EMC8: variants seen among roughly 807,000 people sequenced by gnomAD.
The protein encoded by EMC8 is ER membrane protein complex subunit 8.
EMC8 carries 11 observed loss-of-function variants against 24.3 expected under a neutral mutation model. That is an observed-to-expected ratio of 0.45 (90% CI 0.28 to 0.75). The LOEUF is 0.75. Among genes scored for constraint, EMC8 ranks in the 30% least tolerant of loss-of-function variants. EMC8 has a pLI of 0.12. For synonymous variants in EMC8, 145 were observed against 117.7 expected (o/e 1.23, Z -1.50); for missense variants, 277 against 282.7 (o/e 0.98, Z 0.14).
intron 4 of EMC8, 196 bp from the exon 5 acceptor site, chr16:85,780,063 C>T: frequency 1.6e-6 from 1 of 607,300 alleles, no homozygotes; most frequent in South Asian, 2.0e-5. Context: ...GAAGGGACGC[C>T]TTTCACGTGG....
intron 2 of EMC8, among the ~76,000 whole-genome samples, chr16:85,783,175 C>T (rs1434436509): frequency 6.6e-6 from 1 of 152,156 alleles, no homozygotes; most frequent in Non-Finnish European, 1.5e-5. Context: ...TGGTGATGCA[C>T]ATCTGTAGAC....
chr16:85,796,002 G>A (rs899610128), intron 1 of EMC8, among the ~76,000 whole-genome samples: 1 of 152,084 alleles, frequency 6.6e-6, no homozygotes, highest in Non-Finnish European at 1.5e-5. Context: ...TGAGAGCAGA[G>A]GACACACGCG....
chr16:85,795,915 G>A (rs1464002044), intron 1 of EMC8, among the ~76,000 whole-genome samples: 1 of 152,140 alleles, frequency 6.6e-6, no homozygotes, highest in Non-Finnish European at 1.5e-5. Context: ...CACCTAGCTG[G>A]TGGCCGCTGC....
chr16:85,792,841 T>C (rs1013310313), intron 1 of EMC8: 2 of 152,248 alleles, frequency 1.3e-5, no homozygotes, highest in African/African-American at 4.8e-5. Flanking sequence ...AATGAATCCA[T>C]TTCCATGTCC....
At chr16:85,788,931 C>T (rs775595049) in intron 2 of EMC8, 43 bp downstream of exon 2, 77 of 1,415,042 alleles carry the variant, frequency 5.4e-5, no homozygotes, top group Non-Finnish European at 7.0e-5. Context: ...CTGCCCAACA[C>T]GTGCTCACTT....
At position 85,799,506 on chromosome 16, in the gene EMC8, G is replaced by C. The variant is rs548463575; in HGVS notation, c.-211C>G. The C allele has an allele frequency of 7.7e-6, 3 of 388,532 alleles. No individual in the cohort carries two copies. The highest frequency in any genetic ancestry group is 9.2e-5 in the Admixed American group (2 of 21,842). The allele number at this position is 388,532 out of a possible 1,614,324, so 24.1% of individuals were successfully genotyped here. On this transcript the variant is annotated 5_prime_UTR_variant, in exon 1 of 5. Coordinates refer to ENST00000253457, the MANE Select transcript of EMC8 (RefSeq NM_006067.5). This position sits in a 1 kb window ranked among gnomAD's most constrained non-coding sequence, Gnocchi z 4.2. ...GCGCCTCTGGGAAGCCGCAGCCCCAGACTCCAGTCGCGCTTCTCGCCCGGC... is the reference window on the plus strand; with the variant it reads ...GCGCCTCTGGGAAGCCGCAGCCCCACACTCCAGTCGCGCTTCTCGCCCGGC...
At chr16:85,781,868 T>C (rs961893268) in intron 2 of EMC8, 10 of 152,972 alleles carry the variant, frequency 6.5e-5, no homozygotes, top group African/African-American at 2.2e-4. Context: ...ACCACCTTTG[T>C]GATCTTGGTA....
chr16:85,784,795 G>C (rs1275447427), intron 2 of EMC8: 1 of 152,134 alleles, frequency 6.6e-6, no homozygotes, highest in Non-Finnish European at 1.5e-5. Context: ...CAAAAGGCAG[G>C]GCCGCTTGCC....
chr16:85,786,229 T>C (rs1406673638), intron 2 of EMC8, among the ~76,000 whole-genome samples: 1 of 152,220 alleles, frequency 6.6e-6, no homozygotes, highest in Non-Finnish European at 1.5e-5. Flanking sequence ...TCACCTAGAA[T>C]TTGAATCCAG....
intron 2 of EMC8, among the ~76,000 whole-genome samples, chr16:85,785,825 C>T (rs570317462): frequency 6.6e-6 from 1 of 152,120 alleles, no homozygotes; most frequent in African/African-American, 2.4e-5. Flanking sequence ...AGCACCATGT[C>T]GGGCCAGCGT....
At chr16:85,794,122 G>T (rs574524935) in intron 1 of EMC8, among the ~76,000 whole-genome samples, 3 of 152,336 alleles carry the variant, frequency 2.0e-5, no homozygotes, top group African/African-American at 7.2e-5. Context: ...CATGGATTTA[G>T]ATGCTTTGTG....
intron 3 of EMC8, chr16:85,780,897 C>T (rs1026685042): frequency 2.1e-6 from 1 of 470,104 alleles, no homozygotes; most frequent in Non-Finnish European, 3.9e-6. Context: ...ACATGGACTG[C>T]TGGGCTAAAC....
In EMC8 at chr16:85,780,169, C is replaced by A. The variant is rs531312069; in HGVS notation, c.473+210G>T. 8.6e-5 allele frequency: 52 copies of A among 604,454 alleles called. 1 individual carries two copies. In the South Asian group the frequency reaches 1.0e-3, roughly 12 times the overall value. 37.4% of individuals were successfully genotyped at this position (604,454 alleles called of 1,614,324 possible). A position where few individuals can be genotyped will look rare whatever the true frequency, so the allele number is the denominator to read the frequency against. The stretch of plus-strand genomic sequence containing the variant: ...TGGGAAGAGTGTCTGTGCTCTAGCG[C>A]CTGGGGTGGGAAGACCTGTGGGTAC... On this transcript the variant is annotated intron_variant, in intron 4 of 4. Coordinates refer to ENST00000253457, the MANE Select transcript of EMC8 (RefSeq NM_006067.5).
chr16:85,780,787 G>C (rs906889252), intron 3 of EMC8: 11 of 472,702 alleles, frequency 2.3e-5, no homozygotes, highest in Non-Finnish European at 4.2e-5. Flanking sequence ...TCACATACAA[G>C]GACCTTCCTT....
intron 1 of EMC8, among the ~76,000 whole-genome samples, chr16:85,791,446 T>C (rs1905007769): frequency 6.6e-6 from 1 of 152,194 alleles, no homozygotes; most frequent in Admixed American, 6.5e-5. Context: ...ATTAGCTATT[T>C]GTCCTGATGC....
At position 85,785,984 on chromosome 16, in the gene EMC8, T is replaced by C. The variant is rs537034977; in HGVS notation, c.308+2990A>G. On this transcript the variant is annotated intron_variant, in intron 2 of 4. Coordinates refer to ENST00000253457, the MANE Select transcript of EMC8 (RefSeq NM_006067.5). ...CCAACAATGAATCATATAATAAAAC[T>C]TGATGGAATGACCTAAAGTTTAGGA... Among the ~76,000 whole-genome samples, 56 of 152,300 alleles carry C rather than the reference T, an allele frequency of 3.7e-4. 1 individual carries two copies. The highest frequency in any genetic ancestry group is 3.4e-4 in the Non-Finnish European group (23 of 68,030).
intron 1 of EMC8, among the ~76,000 whole-genome samples, chr16:85,793,267 A>T (rs2291658): frequency 6.6e-6 from 1 of 152,124 alleles, no homozygotes; most frequent in African/African-American, 2.4e-5. Flanking sequence ...GGCAGGGACC[A>T]CAACTTGCCA....
chr16:85,780,145 G>C (rs1029701570), intron 4 of EMC8: 1 of 602,044 alleles, frequency 1.7e-6, no homozygotes, highest in Non-Finnish European at 3.0e-6. Flanking sequence ...GCACAGGCCT[G>C]GGAAGAGTGT....
intron 2 of EMC8, among the ~76,000 whole-genome samples, chr16:85,782,662 G>A (rs962206775): frequency 5.6e-4 from 85 of 152,074 alleles, no homozygotes; most frequent in African/African-American, 1.9e-3. Context: ...CCTCACCACA[G>A]CTCTGTGCAA....
Sources: gnomAD v4.1 joint callset for allele counts (sites outside exome capture counted in the v4.1 genomes callset) on GRCh38, gnomAD v4.1.1 for gene constraint, Gnocchi (gnomAD v3.1) non-coding constraint, MANE v1.5 for transcripts, NCBI Gene and HGNC (gene_info 2026-07-23, HGNC 2026-07-21) for gene names.